TMEM131L: variants seen among roughly 807,000 people sequenced by gnomAD.
The protein encoded by TMEM131L is transmembrane protein 131-like.
Under a neutral mutation model 192.2 loss-of-function variants are expected in TMEM131L, and 54 were observed. The observed-to-expected ratio is 0.28, with a 90% CI of 0.23 to 0.35. TMEM131L has a LOEUF of 0.35. Among genes scored for constraint, TMEM131L ranks in the 10% least tolerant of loss-of-function variants. TMEM131L has a pLI of 1.00. For missense variants in TMEM131L, 1,888 were observed against 1,972.9 expected, an observed-to-expected ratio of 0.96 and a Z score of 0.82; for synonymous variants, 701 against 704.9, an observed-to-expected ratio of 0.99 and a Z score of 0.09.
chr4:153,599,791 C>T (rs1219925344), intron 21 of TMEM131L, among the ~76,000 whole-genome samples: 1 of 152,216 alleles, frequency 6.6e-6, no homozygotes, highest in Non-Finnish European at 1.5e-5. Flanking sequence ...AGCATGGTGG[C>T]TTATGCCTGT....
At chr4:153,590,934 GC>G in intron 16 of TMEM131L, 118 bp from the exon 17 acceptor site, 1 of 560,174 alleles carries the variant, frequency 1.8e-6, no homozygotes, top group East Asian at 4.2e-5. Flanking sequence ...TTCCCCAAGA[GC>G]CCTTTTCCTT....
intron 3 of TMEM131L, among the ~76,000 whole-genome samples, chr4:153,535,070 C>T (rs766126017): frequency 3.3e-5 from 5 of 152,150 alleles, no homozygotes; most frequent in Non-Finnish European, 5.9e-5. Context: ...GCAGGGAAAC[C>T]AGTGAGGCCC....
chr4:153,622,064 C>T (rs189863733), intron 28 of TMEM131L, among the ~76,000 whole-genome samples: 2 of 152,176 alleles, frequency 1.3e-5, no homozygotes, highest in African/African-American at 4.8e-5. Context: ...CCCAGCCCCC[C>T]AGTCTGGCCA....
intron 3 of TMEM131L, among the ~76,000 whole-genome samples, chr4:153,526,314 G>A (rs1304185679): frequency 6.6e-6 from 1 of 152,128 alleles, no homozygotes; most frequent in Admixed American, 6.5e-5. Flanking sequence ...TACCTGTATT[G>A]TTCATCTGAG....
intron 3 of TMEM131L, among the ~76,000 whole-genome samples, chr4:153,493,006 G>A (rs1288592094): frequency 6.6e-6 from 1 of 152,142 alleles, no homozygotes; most frequent in Non-Finnish European, 1.5e-5. Context: ...CCTGAGGCAG[G>A]AGATTTTTGT....
At chr4:153,526,616 T>G (rs1735508915) in intron 3 of TMEM131L, among the ~76,000 whole-genome samples, 1 of 151,916 alleles carries the variant, frequency 6.6e-6, no homozygotes, top group Admixed American at 6.6e-5. Context: ...CGGGCACCTG[T>G]AGTCCCAGCT....
chr4:153,474,846 G>C lies in TMEM131L; in HGVS notation c.239+958G>C, dbSNP rs114778329. Among the ~76,000 whole-genome samples the C allele has an allele frequency of 1.1e-3, 171 of 152,214 alleles. 2 individuals are homozygous for C. The highest frequency in any genetic ancestry group is 3.7e-3 in the African/African-American group (152 of 41,528). On this transcript the variant is annotated intron_variant, in intron 3 of 34. Coordinates refer to ENST00000409959, the MANE Select transcript of TMEM131L (RefSeq NM_001131007.2). The stretch of plus-strand genomic sequence containing the variant: ...GCTGGGATTACAGACATGAGCCACC[G>C]CACTCGGTCCTGTGAATTCCATTTT...
intron 3 of TMEM131L, among the ~76,000 whole-genome samples, chr4:153,520,959 G>A (rs1735070093): frequency 6.6e-6 from 1 of 152,202 alleles, no homozygotes; most frequent in Admixed American, 6.5e-5. Context: ...TGTTCAGTGT[G>A]TCTGCATTAA....
At chr4:153,618,331 G>A (rs1216467310) in intron 26 of TMEM131L, among the ~76,000 whole-genome samples, 1 of 151,786 alleles carries the variant, frequency 6.6e-6, no homozygotes, top group Admixed American at 6.6e-5. Context: ...AAAAAAAATA[G>A]CTGGGCATGG....
intron 26 of TMEM131L, among the ~76,000 whole-genome samples, chr4:153,619,098 C>G (rs187756703): frequency 1.1e-4 from 16 of 152,170 alleles, no homozygotes; most frequent in African/African-American, 3.1e-4. Context: ...CTCACCCTTT[C>G]GCTTGCACAG....
intron 10 of TMEM131L, 107 bp downstream of exon 10, chr4:153,583,355 C>A: frequency 2.5e-6 from 2 of 790,068 alleles, no homozygotes; most frequent in South Asian, 1.5e-5. Context: ...TATCTTTATT[C>A]TTTTTTGCTT....
intron 3 of TMEM131L, among the ~76,000 whole-genome samples, chr4:153,545,771 CT>C (rs1296761614): frequency 1.3e-5 from 2 of 152,142 alleles, no homozygotes; most frequent in Non-Finnish European, 2.9e-5. Context: ...AAGCTCAGCT[CT>C]TTGCAGAAGG....
Position 153,507,747 on chromosome 4 carries a change from C to T in TMEM131L, c.239+33859C>T, listed in dbSNP as rs573785160. Among the ~76,000 whole-genome samples the T allele has an allele frequency of 3.3e-5, 5 of 151,942 alleles. No individual in the cohort carries two copies. The East Asian group carries it at 5.8e-4, about 18-fold the overall frequency. On this transcript the variant is annotated intron_variant, in intron 3 of 34. Coordinates refer to ENST00000409959, the MANE Select transcript of TMEM131L (RefSeq NM_001131007.2). ...AACAAACAAACAAAAAACCAGGGAA[C>T]GCTTATGTGGTGTGGGTGATTTCAG... is the stretch of plus-strand genomic sequence containing the variant.
chr4:153,523,277 G>A (rs1210652292), intron 3 of TMEM131L, among the ~76,000 whole-genome samples: 1 of 152,188 alleles, frequency 6.6e-6, no homozygotes, highest in African/African-American at 2.4e-5. Flanking sequence ...TTAAGTGGAA[G>A]TATTTGTGAA....
At chr4:153,472,547 CAA>C (rs1205601991) in intron 2 of TMEM131L, among the ~76,000 whole-genome samples, 1 of 151,760 alleles carries the variant, frequency 6.6e-6, no homozygotes, top group African/African-American at 2.4e-5. Context: ...CAAAAAAAAA[CAA>C]AAAACACCTG....
At chr4:153,571,664 A>T (rs1408493072) in intron 7 of TMEM131L, among the ~76,000 whole-genome samples, 3 of 152,144 alleles carry the variant, frequency 2.0e-5, no homozygotes, top group African/African-American at 2.4e-5. Flanking sequence ...AGCTCAGGTG[A>T]TCCTCCCTCC....
intron 17 of TMEM131L, among the ~76,000 whole-genome samples, chr4:153,592,008 C>G (rs1390899649): frequency 6.6e-6 from 1 of 152,152 alleles, no homozygotes; most frequent in Non-Finnish European, 1.5e-5. Flanking sequence ...CCTCTTACCT[C>G]TAACTTTCAG....
chr4:153,479,647 G>A (rs1050846079), intron 3 of TMEM131L, among the ~76,000 whole-genome samples: 1 of 151,732 alleles, frequency 6.6e-6, no homozygotes, highest in African/African-American at 2.4e-5. Context: ...TTTTTTTTTG[G>A]TGGTTTTTTG....
At chr4:153,559,957 A>G (rs1178560673) in intron 7 of TMEM131L, among the ~76,000 whole-genome samples, 1 of 152,012 alleles carries the variant, frequency 6.6e-6, no homozygotes, top group Non-Finnish European at 1.5e-5. Flanking sequence ...CACTTGTGCA[A>G]TGCCGTTTTC....
Sources: gnomAD v4.1 joint callset for allele counts (sites outside exome capture counted in the v4.1 genomes callset) on GRCh38, gnomAD v4.1.1 for gene constraint, MANE v1.5 for transcripts, NCBI Gene and HGNC (gene_info 2026-07-23, HGNC 2026-07-21) for gene names.